RBFOX1: variants seen among roughly 807,000 people sequenced by gnomAD.
RBFOX1 encodes RNA binding fox-1 homolog 1, also known as RNA binding protein fox-1 homolog 1.
A neutral mutation model predicts 57.7 loss-of-function variants in RBFOX1; 8 were observed. That is an observed-to-expected ratio of 0.14 (90% CI 0.08 to 0.25). RBFOX1 has a LOEUF of 0.25. Among genes scored for constraint, RBFOX1 ranks in the 10% least tolerant of loss-of-function variants. RBFOX1 has a pLI of 1.00. For synonymous variants in RBFOX1, 326 were observed against 222.4 expected, an observed-to-expected ratio of 1.47 and a Z score of -4.15; for missense variants, 611 against 548.5, an observed-to-expected ratio of 1.11 and a Z score of -1.14.
At chr16:7,680,626 A>G (rs1340697402) in intron 14 of RBFOX1, among the ~76,000 whole-genome samples, 2 of 152,148 alleles carry the variant, frequency 1.3e-5, no homozygotes, top group Non-Finnish European at 2.9e-5. Flanking sequence ...AGCTTTTGAC[A>G]TTAATTGCGG....
rs142651738 is a variant in RBFOX1, at chr16:5,783,629, C to T, written c.319-83674C>T. Among the ~76,000 whole-genome samples, 8 of 152,248 alleles carry T rather than the reference C, an allele frequency of 5.3e-5. No homozygotes were observed. In the East Asian group the frequency reaches 1.5e-3, roughly 29 times the overall value. ...GTTTTCAGACTTTACACACCATTTC[C>T]CCTGCTTTTTAAAAATTTAATGATA... is the stretch of plus-strand genomic sequence containing the variant. On this transcript the variant is annotated intron_variant, in intron 3 of 19. Coordinates refer to the RBFOX1 transcript ENST00000641259.
intron 1 of RBFOX1, chr16:6,037,841 C>G (rs1054508196): frequency 7.2e-4 from 110 of 152,272 alleles, no homozygotes; most frequent in African/African-American, 2.4e-3. Context: ...ACAATCTGCC[C>G]ACCTCGGCCT....
At chr16:6,622,095 TTAAA>T (rs773240809) in intron 2 of RBFOX1, among the ~76,000 whole-genome samples, 1 of 152,188 alleles carries the variant, frequency 6.6e-6, no homozygotes, top group Admixed American at 6.5e-5. Context: ...TGGAATATTA[TTAAA>T]TAGTTTTACT....
intron 2 of RBFOX1, among the ~76,000 whole-genome samples, chr16:6,395,120 G>C (rs746902846): frequency 6.6e-6 from 1 of 152,216 alleles, no homozygotes. Context: ...TCACCGAAGG[G>C]TTTGCTAAAG....
At chr16:6,636,319 T>C (rs979434442) in intron 2 of RBFOX1, among the ~76,000 whole-genome samples, 13 of 152,058 alleles carry the variant, frequency 8.5e-5, no homozygotes, top group African/African-American at 2.9e-4. Context: ...TAGAGGCGCC[T>C]GCCACCACAC....
intron 7 of RBFOX1, among the ~76,000 whole-genome samples, chr16:7,590,539 C>T (rs2152918374): frequency 1.3e-5 from 2 of 152,052 alleles, no homozygotes; most frequent in Middle Eastern, 6.8e-3. Context: ...GGGCTGTATG[C>T]AGATATAGCT....
chr16:6,004,799 G>A (rs1194938199), intron 4 of RBFOX1, among the ~76,000 whole-genome samples: 3 of 152,180 alleles, frequency 2.0e-5, no homozygotes, highest in Non-Finnish European at 4.4e-5. Context: ...GACATGCAGT[G>A]TAAATCATTC....
intron 2 of RBFOX1, among the ~76,000 whole-genome samples, chr16:6,551,969 C>T (rs532180388): frequency 1.3e-5 from 2 of 152,332 alleles, no homozygotes; most frequent in Admixed American, 1.3e-4. Context: ...TGCCTCTCAT[C>T]TTCTAGTCAT....
chr16:7,199,166 G>T (rs1264144083), intron 4 of RBFOX1, among the ~76,000 whole-genome samples: 1 of 152,162 alleles, frequency 6.6e-6, no homozygotes, highest in East Asian at 1.9e-4. Context: ...GAAATGGATG[G>T]ATTTTTATGG....
intron 2 of RBFOX1, among the ~76,000 whole-genome samples, chr16:6,504,706 C>G (rs748215808): frequency 6.6e-6 from 1 of 152,138 alleles, no homozygotes; most frequent in Non-Finnish European, 1.5e-5. Context: ...TGCATACTTG[C>G]AAGCTTTATC....
chr16:6,812,525 C>T (rs1171722579), intron 3 of RBFOX1, among the ~76,000 whole-genome samples: 3 of 151,986 alleles, frequency 2.0e-5, no homozygotes, highest in African/African-American at 7.2e-5. Context: ...AGGCACATGA[C>T]ACCACGCCCA....
intron 5 of RBFOX1, among the ~76,000 whole-genome samples, chr16:7,575,527 A>T (rs745481805): frequency 5.9e-5 from 9 of 152,150 alleles, no homozygotes; most frequent in Non-Finnish European, 1.2e-4. Context: ...CAGAGGATGG[A>T]AGGATGCAGA....
At chr16:6,275,293 A>T (rs1310649678) in intron 1 of RBFOX1, among the ~76,000 whole-genome samples, 2 of 144,626 alleles carry the variant, frequency 1.4e-5, no homozygotes, top group African/African-American at 5.1e-5. Context: ...CCTGGGCGAC[A>T]GAGTGAGACT....
chr16:7,452,635 A>T (rs1213291962), intron 4 of RBFOX1, among the ~76,000 whole-genome samples: 1 of 152,174 alleles, frequency 6.6e-6, no homozygotes, highest in African/African-American at 2.4e-5. Context: ...GGTGCCAAGG[A>T]TCTAAAAAAG....
chr16:7,149,337 T>A (rs1313092844), intron 4 of RBFOX1, among the ~76,000 whole-genome samples: 1 of 152,096 alleles, frequency 6.6e-6, no homozygotes, highest in African/African-American at 2.4e-5. Flanking sequence ...GTCAAGTCTC[T>A]TGGTTTTATC....
intron 1 of RBFOX1, among the ~76,000 whole-genome samples, chr16:5,377,198 C>G (rs1446010009): frequency 6.6e-6 from 1 of 151,616 alleles, no homozygotes; most frequent in Non-Finnish European, 1.5e-5. Context: ...TGCAAATAGT[C>G]AGACATGACA....
chr16:5,771,309 G>C (rs1351215936), intron 3 of RBFOX1, among the ~76,000 whole-genome samples: 1 of 152,234 alleles, frequency 6.6e-6, no homozygotes, highest in Admixed American at 6.5e-5. Context: ...GAGGGAGTTA[G>C]GGTGAGGTCT....
At chr16:6,378,147 C>T (rs886079035) in intron 2 of RBFOX1, among the ~76,000 whole-genome samples, 2 of 152,226 alleles carry the variant, frequency 1.3e-5, no homozygotes, top group African/African-American at 4.8e-5. Flanking sequence ...GCTCAGCTAC[C>T]AGAGCTTCTG....
intron 1 of RBFOX1, among the ~76,000 whole-genome samples, chr16:5,448,150 C>T (rs1235833783): frequency 2.0e-5 from 3 of 152,156 alleles, no homozygotes; most frequent in Middle Eastern, 6.3e-3. Flanking sequence ...TCAATAGGGG[C>T]AGCCTAATTT....
Sources: allele counts gnomAD v4.1 joint callset (sites outside exome capture counted in the v4.1 genomes callset), GRCh38; gene constraint gnomAD v4.1.1; transcripts MANE v1.5; gene names NCBI Gene and HGNC (gene_info 2026-07-23, HGNC 2026-07-21).